Variants in BLTP1 observed in about 807,000 individuals in gnomAD.
BLTP1 encodes the protein fragile site-associated protein.
At chr4:122,229,580 TG>T in the BLTP1 span, 1 of 325,522 alleles carries the variant, frequency 3.1e-6, no homozygotes, top group Non-Finnish European at 4.4e-6. Context: ...ATTTTCTGCC[TG>T]GCTCTTGAAA....
chr4:122,283,632 G>A, the BLTP1 span, among the ~76,000 whole-genome samples: 2 of 152,108 alleles, frequency 1.3e-5, no homozygotes, highest in Non-Finnish European at 2.9e-5. Flanking sequence ...TCAGCCCTGT[G>A]AGTAGCCAGG....
At chr4:122,187,952 G>A in the BLTP1 span, 1 of 1,594,088 alleles carries the variant, frequency 6.3e-7, no homozygotes, top group Non-Finnish European at 8.5e-7. Flanking sequence ...CAACTTTGAT[G>A]ATGCTTTCTT....
the BLTP1 span, chr4:122,231,847 T>G: frequency 1.0e-6 from 1 of 963,670 alleles, no homozygotes; most frequent in Non-Finnish European, 1.2e-6. Context: ...TTTTTCTGGT[T>G]AAAAAAAGAA....
At chr4:122,229,752 T>C in the BLTP1 span, 1 of 960,312 alleles carries the variant, frequency 1.0e-6, no homozygotes, top group African/African-American at 1.8e-5. Context: ...TTTGTTTAAC[T>C]TTTCTGTTCC....
At chr4:122,172,895 G>A in the BLTP1 span, 1 of 1,516,888 alleles carries the variant, frequency 6.6e-7, no homozygotes, top group Non-Finnish European at 8.8e-7. Context: ...TGCTTTTCTG[G>A]ATTATGAATG....
the BLTP1 span, chr4:122,189,503 T>A: frequency 2.3e-6 from 2 of 860,720 alleles, no homozygotes; most frequent in African/African-American, 3.6e-5. Context: ...ACTTTTTTAT[T>A]ATTTAATGTT....
the BLTP1 span, chr4:122,249,966 C>CT: frequency 1.0e-6 from 1 of 968,912 alleles, no homozygotes; most frequent in Non-Finnish European, 1.2e-6. Flanking sequence ...TTTTTTGAAA[C>CT]TTTGCATCTT....
chr4:122,316,784 T>C, the BLTP1 span: 1 of 1,613,270 alleles, frequency 6.2e-7, no homozygotes, highest in Non-Finnish European at 8.5e-7. Context: ...CCGGGAGAAC[T>C]TAGAGGAAGA....
At chr4:122,317,473 A>G in the BLTP1 span, among the ~76,000 whole-genome samples, 3 of 152,206 alleles carry the variant, frequency 2.0e-5, no homozygotes. Context: ...ACAGGCATAT[A>G]TAAATAAATC....
the BLTP1 span, chr4:122,299,072 C>T: frequency 1.0e-6 from 1 of 978,052 alleles, no homozygotes; most frequent in Non-Finnish European, 1.2e-6. Flanking sequence ...ATATATGGCC[C>T]TTCCCCTTAA....
the BLTP1 span, among the ~76,000 whole-genome samples, chr4:122,181,642 G>A: frequency 6.6e-6 from 1 of 151,362 alleles, no homozygotes; most frequent in African/African-American, 2.4e-5. Context: ...AGCTTCATTT[G>A]CAGCCTATTC....
chr4:122,249,494 C>T, the BLTP1 span: 2 of 1,612,688 alleles, frequency 1.2e-6, no homozygotes, highest in Non-Finnish European at 1.7e-6. Context: ...GACATTGGGA[C>T]CTGTGCAATC....
chr4:122,250,842 A>C, the BLTP1 span: 1 of 709,296 alleles, frequency 1.4e-6, no homozygotes, highest in Non-Finnish European at 1.7e-6. Flanking sequence ...TATTTGTTGA[A>C]TTAATAAATT....
At chr4:122,267,020 G>A in the BLTP1 span, 7 of 600,646 alleles carry the variant, frequency 1.2e-5, no homozygotes, top group African/African-American at 6.9e-5. Context: ...GTTTTTTAAC[G>A]TTACTTTCGT....
At chr4:122,200,404 C>G in the BLTP1 span, 1 of 551,204 alleles carries the variant, frequency 1.8e-6, no homozygotes, top group South Asian at 7.9e-5. Context: ...ATGGTGAAAC[C>G]CTGCCTCTAC....
the BLTP1 span, chr4:122,223,045 A>G: frequency 1.2e-6 from 1 of 836,360 alleles, no homozygotes; most frequent in African/African-American, 1.8e-5. Flanking sequence ...AACTTTCTTG[A>G]CCACTCTCCC....
the BLTP1 span, among the ~76,000 whole-genome samples, chr4:122,267,367 A>T: frequency 7.2e-5 from 11 of 152,156 alleles, no homozygotes; most frequent in African/African-American, 2.6e-4. Context: ...CCAAGAAAGT[A>T]ATTTTAATAT....
chr4:122,361,351 G>A, the BLTP1 span, among the ~76,000 whole-genome samples: 5 of 152,134 alleles, frequency 3.3e-5, no homozygotes, highest in Admixed American at 3.3e-4. Flanking sequence ...GGGGGTTGCT[G>A]GAGTTGTACA....
At chr4:122,351,252 A>G in the BLTP1 span, 4 of 914,676 alleles carry the variant, frequency 4.4e-6, no homozygotes, top group East Asian at 3.5e-4. Context: ...ATTGAAAAAA[A>G]CTAGAAAACA....
Sources: gnomAD v4.1 joint callset for allele counts (sites outside exome capture counted in the v4.1 genomes callset) on GRCh38, gnomAD v4.1.1 for gene constraint, MANE v1.5 for transcripts, NCBI Gene and HGNC (gene_info 2026-07-23, HGNC 2026-07-21) for gene names.